Variants in AGPS observed in about 807,000 individuals in gnomAD.
AGPS encodes the protein alkylglycerone phosphate synthase.
A neutral mutation model predicts 90.7 loss-of-function variants in AGPS; 26 were observed. The ratio of observed to expected loss-of-function variants is 0.29; its 90% confidence interval spans 0.21 to 0.40. The LOEUF (loss-of-function observed/expected upper bound fraction) is 0.40, where lower values mean the gene tolerates loss of function less well. Ranked by LOEUF, AGPS falls within the 10% of genes least tolerant of loss-of-function variation. The pLI is 1.00. For synonymous variants in AGPS, 294 were observed against 285.3 expected, an observed-to-expected ratio of 1.03 and a Z score of -0.31; for missense variants, 540 against 816.1, an observed-to-expected ratio of 0.66 and a Z score of 4.12.
At chr2:177,498,164 TA>T (rs1688463023) in intron 13 of AGPS, among the ~76,000 whole-genome samples, 1 of 151,910 alleles carries the variant, frequency 6.6e-6, no homozygotes, top group African/African-American at 2.4e-5. Context: ...GCATCCTTGT[TA>T]TTCCATGTGG....
At chr2:177,527,889 T>C (rs2079104163) in intron 19 of AGPS, among the ~76,000 whole-genome samples, 1 of 152,244 alleles carries the variant, frequency 6.6e-6, no homozygotes, top group Non-Finnish European at 1.5e-5. Flanking sequence ...TTTTATTTTC[T>C]ATGTGGTCAA....
chr2:177,457,527 A>C (rs1039637809), intron 8 of AGPS, among the ~76,000 whole-genome samples: 1 of 152,212 alleles, frequency 6.6e-6, no homozygotes, highest in Non-Finnish European at 1.5e-5. Context: ...CAGAAATACA[A>C]ACTACCATCA....
intron 19 of AGPS, among the ~76,000 whole-genome samples, 181 bp downstream of exon 19, chr2:177,523,986 A>G (rs959720234): frequency 6.6e-6 from 1 of 152,232 alleles, no homozygotes; most frequent in African/African-American, 2.4e-5. Flanking sequence ...AGTAGCCACT[A>G]GAAGCTTACT....
In AGPS at chr2:177,516,406, T is replaced by C. The variant is rs545669162; in HGVS notation, c.1697+2498T>C. The stretch of plus-strand genomic sequence containing the variant: ...CAAAAAAATTTTTTTAATTAAAGAA[T>C]AATGTAGTGACTTTGACAACCACGC... On this transcript the variant is annotated intron_variant, in intron 17 of 19. Coordinates refer to ENST00000264167, the MANE Select transcript of AGPS (RefSeq NM_003659.4). 2.2e-4 allele frequency among the ~76,000 whole-genome samples: 33 copies of C among 152,252 alleles called. 1 individual carries two copies. The highest frequency in any genetic ancestry group is 7.7e-4 in the African/African-American group (32 of 41,570).
intron 16 of AGPS, among the ~76,000 whole-genome samples, 186 bp from the exon 17 acceptor site, chr2:177,513,633 T>A (rs934855089): frequency 6.6e-5 from 10 of 152,200 alleles, no homozygotes; most frequent in African/African-American, 2.4e-4. Context: ...TTTCTTCTTT[T>A]TGAAGTTAGG....
intron 1 of AGPS, among the ~76,000 whole-genome samples, chr2:177,409,662 A>G (rs1045579745): frequency 3.9e-5 from 6 of 152,228 alleles, no homozygotes; most frequent in African/African-American, 1.4e-4. Context: ...TTGGGGGCAT[A>G]GTAGGGGTCA....
At chr2:177,426,973 C>T (rs994728627) in intron 2 of AGPS, among the ~76,000 whole-genome samples, 9 of 152,140 alleles carry the variant, frequency 5.9e-5, no homozygotes, top group African/African-American at 2.2e-4. Context: ...TAGAATTCAG[C>T]TGTAAATCTG....
At chr2:177,393,746 ATCT>A (rs201490845) in intron 1 of AGPS, among the ~76,000 whole-genome samples, 6,319 of 149,450 alleles carry the variant, frequency 0.042, 435 homozygotes, top group African/African-American at 0.15. Context: ...TTTTGGAGAA[ATCT>A]TTTTTTTTTT....
At chr2:177,445,481 G>A in intron 7 of AGPS, 65 bp from the exon 8 acceptor site, 1 of 1,369,330 alleles carries the variant, frequency 7.3e-7, no homozygotes, top group African/African-American at 1.4e-5. Flanking sequence ...GAATTAGGAA[G>A]TTATATTTCC....
intron 15 of AGPS, among the ~76,000 whole-genome samples, chr2:177,506,966 A>T (rs1303760174): frequency 2.0e-5 from 3 of 152,064 alleles, no homozygotes; most frequent in African/African-American, 7.2e-5. Context: ...CACAATTTGG[A>T]GTATCTATCT....
At chr2:177,400,841 A>G (rs1183098388) in intron 1 of AGPS, among the ~76,000 whole-genome samples, 1 of 152,226 alleles carries the variant, frequency 6.6e-6, no homozygotes, top group Non-Finnish European at 1.5e-5. Context: ...TTAATTTGCT[A>G]TAATCACAGA....
intron 1 of AGPS, among the ~76,000 whole-genome samples, chr2:177,414,369 CTTTTA>C (rs1474923224): frequency 5.3e-5 from 8 of 151,988 alleles, no homozygotes; most frequent in Admixed American, 3.9e-4. Context: ...CCACACCTGG[CTTTTA>C]TTTTATTTTA....
Position 177,484,582 on chromosome 2 carries a change from G to C in AGPS, c.1233+2396G>C, listed in dbSNP as rs538577334. ...GCTCGTCTCGAACTCCTGACCTCAG[G>C]TGATCCGCCCGCCCCGGCCTCCCAA... On this transcript the variant is annotated intron_variant, in intron 11 of 19. Coordinates refer to ENST00000264167, the MANE Select transcript of AGPS (RefSeq NM_003659.4). Among the ~76,000 whole-genome samples the C allele has an allele frequency of 2.7e-3, 412 of 152,028 alleles. 1 individual carries two copies. The highest frequency in any genetic ancestry group is 4.2e-3 in the Non-Finnish European group (286 of 67,974).
intron 19 of AGPS, among the ~76,000 whole-genome samples, chr2:177,534,129 G>C (rs151098065): frequency 4.6e-5 from 7 of 152,310 alleles, no homozygotes; most frequent in Admixed American, 3.9e-4. Context: ...ATCCCTTTTA[G>C]ATTAGGACTG....
chr2:177,527,651 G>A (rs150025823), intron 19 of AGPS, among the ~76,000 whole-genome samples: 101 of 152,094 alleles, frequency 6.6e-4, no homozygotes, highest in African/African-American at 2.0e-3. Flanking sequence ...AACAAATGGC[G>A]GTCATATCAT....
chr2:177,407,531 G>A (rs1219331383), intron 1 of AGPS, among the ~76,000 whole-genome samples: 1 of 151,972 alleles, frequency 6.6e-6, no homozygotes, highest in Non-Finnish European at 1.5e-5. Flanking sequence ...TGTGGGAGGG[G>A]GAAGTGCCAC....
At chr2:177,496,589 G>A (rs1216327216) in intron 12 of AGPS, among the ~76,000 whole-genome samples, 1 of 152,050 alleles carries the variant, frequency 6.6e-6, no homozygotes, top group Non-Finnish European at 1.5e-5. Flanking sequence ...TTGTTTCTTT[G>A]TTGTTGTTTT....
intron 2 of AGPS, among the ~76,000 whole-genome samples, chr2:177,427,910 A>G (rs1443009721): frequency 2.6e-5 from 4 of 152,136 alleles, no homozygotes; most frequent in African/African-American, 9.7e-5. Context: ...TGATCTGTCT[A>G]ATATTGTCAG....
chr2:177,433,550 T>C (rs1362803045), intron 2 of AGPS, among the ~76,000 whole-genome samples: 1 of 152,252 alleles, frequency 6.6e-6, no homozygotes, highest in Non-Finnish European at 1.5e-5. Context: ...TTAATTGTCC[T>C]TTTTCTTGAA....
Sources: allele counts gnomAD v4.1 joint callset (sites outside exome capture counted in the v4.1 genomes callset), GRCh38; gene constraint gnomAD v4.1.1; transcripts MANE v1.5; gene names NCBI Gene and HGNC (gene_info 2026-07-23, HGNC 2026-07-21).